The following AHCYL2 variants were observed in gnomAD, a reference collection of about 807,000 sequenced individuals.
The protein encoded by AHCYL2 is S-adenosylhomocysteine hydrolase-like protein 2.
AHCYL2 carries 28 observed loss-of-function variants against 81.4 expected under a neutral mutation model. The ratio of observed to expected loss-of-function variants is 0.34; its 90% confidence interval spans 0.25 to 0.47. AHCYL2 has a LOEUF of 0.47. AHCYL2 is among the 20% of genes least tolerant of loss of function. The probability of loss-of-function intolerance (pLI) is 1.00; values close to 1 mark genes in which losing one functional copy is unlikely to be tolerated. For synonymous variants in AHCYL2, 272 were observed against 290.2 expected (o/e 0.94, Z 0.64); for missense variants, 551 against 785.1 (o/e 0.70, Z 3.56).
intron 6 of AHCYL2, among the ~76,000 whole-genome samples, chr7:129,402,515 G>T (rs1225815585): frequency 6.6e-6 from 1 of 152,150 alleles, no homozygotes; most frequent in Non-Finnish European, 1.5e-5. Context: ...ATAACAATTT[G>T]CAGAGTCCTG....
intron 1 of AHCYL2, among the ~76,000 whole-genome samples, chr7:129,284,343 A>C (rs1309964927): frequency 6.6e-6 from 1 of 152,202 alleles, no homozygotes; most frequent in Non-Finnish European, 1.5e-5. Flanking sequence ...CACGCCTGTA[A>C]TCCCAGCACT....
In AHCYL2 at chr7:129,419,548, C is replaced by T. The variant is rs765712238; in HGVS notation, c.1462-3292C>T. Reference sequence around the variant, plus strand: ...TAGCCTGGATGACAGAGTGAGACTCCGTCTCAGAAAAAAGCAGACCTGCTT... The same window carrying T: ...TAGCCTGGATGACAGAGTGAGACTCTGTCTCAGAAAAAAGCAGACCTGCTT... On this transcript the variant is annotated intron_variant, in intron 12 of 16. Coordinates refer to ENST00000325006, the MANE Select transcript of AHCYL2 (RefSeq NM_015328.4). The surrounding 1 kb of genome is among the most constrained non-coding windows in gnomAD (Gnocchi z 4.7). Among the ~76,000 whole-genome samples the T allele has an allele frequency of 5.3e-5, 8 of 151,698 alleles. No homozygotes were observed. The highest frequency in any genetic ancestry group is 8.8e-5 in the Non-Finnish European group (6 of 67,922).
chr7:129,360,474 T>C (rs1348937289), intron 1 of AHCYL2, among the ~76,000 whole-genome samples: 1 of 152,244 alleles, frequency 6.6e-6, no homozygotes, highest in Non-Finnish European at 1.5e-5. Context: ...TACTATGTGC[T>C]GGGCACTTGG....
chr7:129,411,013 C>T (rs947932438), intron 11 of AHCYL2, among the ~76,000 whole-genome samples: 1 of 151,970 alleles, frequency 6.6e-6, no homozygotes, highest in Admixed American at 6.6e-5. Flanking sequence ...GGTTCTCCCA[C>T]CTCTGCTTCC....
chr7:129,329,552 G>A (rs1426148526), intron 1 of AHCYL2, among the ~76,000 whole-genome samples: 1 of 152,208 alleles, frequency 6.6e-6, no homozygotes, highest in African/African-American at 2.4e-5. Flanking sequence ...CATGAATATG[G>A]ATGTGATATT....
intron 1 of AHCYL2, among the ~76,000 whole-genome samples, chr7:129,318,568 G>A (rs1327007349): frequency 6.6e-6 from 1 of 152,166 alleles, no homozygotes; most frequent in Non-Finnish European, 1.5e-5. Flanking sequence ...TTTAGTAAAT[G>A]GTGTAGAGAA....
At position 129,342,985 on chromosome 7, in the gene AHCYL2, C is replaced by T. The variant is rs545522745; in HGVS notation, c.364-36653C>T. 2.0e-5 allele frequency among the ~76,000 whole-genome samples: 3 copies of T among 152,134 alleles called. No homozygotes were observed. The East Asian group carries it at 5.8e-4, about 29-fold the overall frequency. On this transcript the variant is annotated intron_variant, in intron 1 of 16. Transcript: ENST00000325006. ...GAAATCTTTTCTCTTTTCCTTTGGC[C>T]TCTGGCCCCATTTCCTTTATATAGG...
chr7:129,282,848 A>G (rs1796495154), intron 1 of AHCYL2, among the ~76,000 whole-genome samples: 1 of 152,076 alleles, frequency 6.6e-6, no homozygotes, highest in Admixed American at 6.6e-5. Flanking sequence ...TTTCAAAAAC[A>G]TAGAGAGAAG....
At chr7:129,362,600 T>G (rs1333013144) in intron 1 of AHCYL2, among the ~76,000 whole-genome samples, 4 of 116,344 alleles carry the variant, frequency 3.4e-5, no homozygotes, top group African/African-American at 9.7e-5. Context: ...TTTTCTTGTT[T>G]TTTTTTTTTT....
At chr7:129,327,773 G>T (rs542435279) in intron 1 of AHCYL2, among the ~76,000 whole-genome samples, 3 of 150,978 alleles carry the variant, frequency 2.0e-5, no homozygotes, top group Non-Finnish European at 4.4e-5. Flanking sequence ...CAAGAAGAAA[G>T]ATATTTTAAT....
intron 1 of AHCYL2, among the ~76,000 whole-genome samples, chr7:129,249,535 C>A (rs999963092): frequency 6.6e-5 from 10 of 152,072 alleles, no homozygotes; most frequent in Admixed American, 6.5e-4. Context: ...ACGCCATTCT[C>A]CTGCCTCAGC....
chr7:129,253,671 G>C (rs1563167712), intron 1 of AHCYL2, among the ~76,000 whole-genome samples: 1 of 152,132 alleles, frequency 6.6e-6, no homozygotes, highest in African/African-American at 2.4e-5. Context: ...GGGTGCAGTG[G>C]TTCAGACACA....
chr7:129,230,008 A>G (rs182016533), intron 1 of AHCYL2, among the ~76,000 whole-genome samples: 8 of 152,240 alleles, frequency 5.3e-5, no homozygotes, highest in Admixed American at 5.2e-4. Flanking sequence ...TGAAAATTGC[A>G]AAGGGAAGAA....
intron 1 of AHCYL2, among the ~76,000 whole-genome samples, chr7:129,322,959 T>TATTA (rs1227513886): frequency 6.6e-6 from 1 of 152,246 alleles, no homozygotes; most frequent in African/African-American, 2.4e-5. Flanking sequence ...TCATTCTTGA[T>TATTA]ATTATTCCTT....
At chr7:129,414,694 CA>C in intron 12 of AHCYL2, among the ~76,000 whole-genome samples, 1 of 152,286 alleles carries the variant, frequency 6.6e-6, no homozygotes. Flanking sequence ...GCTGGGATTA[CA>C]GGCATGAGCC....
intron 1 of AHCYL2, among the ~76,000 whole-genome samples, chr7:129,293,045 G>C (rs1796922934): frequency 1.3e-5 from 2 of 151,994 alleles, no homozygotes; most frequent in Admixed American, 1.3e-4. Flanking sequence ...AAACTACCAG[G>C]CCCAAGCACT....
At chr7:129,388,856 A>T in intron 2 of AHCYL2, 200 bp from the exon 3 acceptor site, 1 of 517,984 alleles carries the variant, frequency 1.9e-6, no homozygotes, top group Non-Finnish European at 3.3e-6. Flanking sequence ...ATTTCAAGTT[A>T]AGGCTATCCA....
At chr7:129,396,404 C>T (rs190586808) in intron 4 of AHCYL2, among the ~76,000 whole-genome samples, 1 of 150,424 alleles carries the variant, frequency 6.6e-6, no homozygotes, top group Admixed American at 6.6e-5. Flanking sequence ...GGATTACAGG[C>T]GTGAGCCACC....
At chr7:129,276,389 TAAAAAGAAATGAATAAAAACCA>T (rs1248225422) in intron 1 of AHCYL2, among the ~76,000 whole-genome samples, 2 of 150,538 alleles carry the variant, frequency 1.3e-5, no homozygotes, top group African/African-American at 2.4e-5. Context: ...AAGTTATTTT[TAAAAAGAAATGAATAAAAACCA>T]AGGAAAGTAG....
Sources: allele counts gnomAD v4.1 joint callset (sites outside exome capture counted in the v4.1 genomes callset), GRCh38; gene constraint gnomAD v4.1.1; non-coding constraint Gnocchi (gnomAD v3.1); transcripts MANE v1.5; gene names NCBI Gene and HGNC (gene_info 2026-07-23, HGNC 2026-07-21).